Variants in ZFAT observed in about 807,000 individuals in gnomAD.
ZFAT encodes the protein zinc finger protein ZFAT.
In ZFAT, 64 loss-of-function variants were observed where a neutral mutation model predicts 117.7. That is an observed-to-expected ratio of 0.54 (90% confidence interval 0.44 to 0.67). The LOEUF is 0.67. Ranked by LOEUF, ZFAT falls within the 30% of genes least tolerant of loss-of-function variation. ZFAT has a pLI of 0.00. For missense variants in ZFAT, 1,433 were observed against 1,584.5 expected, an observed-to-expected ratio of 0.90 and a Z score of 1.62; for synonymous variants, 679 against 615.0, an observed-to-expected ratio of 1.10 and a Z score of -1.54.
At chr8:134,533,934 C>T (rs1158334234) in intron 11 of ZFAT, among the ~76,000 whole-genome samples, 1 of 152,222 alleles carries the variant, frequency 6.6e-6, no homozygotes, top group Non-Finnish European at 1.5e-5. Context: ...AATCCACATG[C>T]TGTATGATTC....
the ZFAT span, among the ~76,000 whole-genome samples, chr8:134,788,139 T>C: frequency 2.0e-5 from 3 of 152,196 alleles, no homozygotes; most frequent in African/African-American, 7.2e-5. Context: ...TTTGGCTTTC[T>C]CTATTGTGTG....
chr8:134,739,544 G>A, the ZFAT span, among the ~76,000 whole-genome samples: 2 of 152,106 alleles, frequency 1.3e-5, no homozygotes, highest in Admixed American at 6.6e-5. Flanking sequence ...CTGAAGTGTT[G>A]GAAGGCCCAG....
At chr8:134,583,236 A>C (rs1326456704) in intron 10 of ZFAT, among the ~76,000 whole-genome samples, 2 of 152,156 alleles carry the variant, frequency 1.3e-5, no homozygotes, top group Non-Finnish European at 2.9e-5. Flanking sequence ...CCTTGAACGC[A>C]GGAACTTGTC....
At chr8:134,587,951 G>C (rs1826188852) in intron 9 of ZFAT, among the ~76,000 whole-genome samples, 1 of 152,200 alleles carries the variant, frequency 6.6e-6, no homozygotes, top group Admixed American at 6.5e-5. Context: ...TAAGTCTCCG[G>C]TGTTCCTGTT....
chr8:134,804,750 T>C, the ZFAT span: 2 of 430,386 alleles, frequency 4.6e-6, no homozygotes, highest in East Asian at 6.2e-5. Context: ...ACTATCATAA[T>C]ACGTGCACTG....
chr8:134,771,321 A>G, the ZFAT span, among the ~76,000 whole-genome samples: 1 of 152,178 alleles, frequency 6.6e-6, no homozygotes, highest in East Asian at 1.9e-4. Context: ...ATATCAGGGC[A>G]GATTCCCTGA....
At chr8:134,487,471 G>C (rs78662743) in intron 15 of ZFAT, among the ~76,000 whole-genome samples, 4,662 of 152,242 alleles carry the variant, frequency 0.031, 230 homozygotes, top group African/African-American at 0.11. Flanking sequence ...CCCTCAGCTA[G>C]TAACAGGTGA....
At chr8:134,687,022 G>A (rs1833355051) in intron 1 of ZFAT, among the ~76,000 whole-genome samples, 1 of 152,140 alleles carries the variant, frequency 6.6e-6, no homozygotes, top group Non-Finnish European at 1.5e-5. Flanking sequence ...AAGCAAGGGT[G>A]TGGGGCAGAC....
rs1830017076 is a variant in ZFAT at position 134,633,451 on chromosome 8, G to C, written c.448+4010C>G. Reference sequence around the variant, plus strand: ...TGCATGCTCAGGACTGTTCACCTGAGTAGTGCTTTTTGATCAGAGAGAAAA... The same window carrying C: ...TGCATGCTCAGGACTGTTCACCTGACTAGTGCTTTTTGATCAGAGAGAAAA... On this transcript the variant is annotated intron_variant, in intron 3 of 15. Coordinates refer to ENST00000377838, the MANE Select transcript of ZFAT (RefSeq NM_020863.4). Among the ~76,000 whole-genome samples the C allele has an allele frequency of 2.0e-5, 3 of 152,248 alleles. No homozygotes were observed. The South Asian group carries it at 6.2e-4, about 32-fold the overall frequency.
At chr8:134,615,779 T>C (rs1192342851) in intron 3 of ZFAT, among the ~76,000 whole-genome samples, 1 of 152,270 alleles carries the variant, frequency 6.6e-6, no homozygotes, top group Non-Finnish European at 1.5e-5. Context: ...CATTACATTC[T>C]ATTCTTGAAA....
the ZFAT span, chr8:134,797,085 A>G: frequency 6.6e-6 from 1 of 152,310 alleles, no homozygotes; most frequent in East Asian, 1.9e-4. Flanking sequence ...ACTGTTTCTC[A>G]TTCATACTTA....
chr8:134,598,274 A>G (rs1268135285), intron 7 of ZFAT: 1 of 152,274 alleles, frequency 6.6e-6, no homozygotes, highest in Non-Finnish European at 1.5e-5. Flanking sequence ...TAGAAGTAAT[A>G]TGAGAATTAA....
chr8:134,679,412 T>C (rs1285928221), intron 1 of ZFAT, among the ~76,000 whole-genome samples: 1 of 152,202 alleles, frequency 6.6e-6, no homozygotes, highest in African/African-American at 2.4e-5. Context: ...CCAGTTAGAA[T>C]GGCGATCATT....
At chr8:134,521,914 TGAG>T (rs1563804487) in intron 12 of ZFAT, among the ~76,000 whole-genome samples, 2 of 152,158 alleles carry the variant, frequency 1.3e-5, no homozygotes, top group East Asian at 3.9e-4. Flanking sequence ...TCTGGAACTG[TGAG>T]CTACCCGATT....
intron 1 of ZFAT, among the ~76,000 whole-genome samples, chr8:134,694,991 G>C (rs1425598606): frequency 1.3e-5 from 2 of 152,192 alleles, no homozygotes; most frequent in Non-Finnish European, 2.9e-5. Flanking sequence ...ACACGAAAAT[G>C]AAGTCACCTG....
Position 134,701,395 on chromosome 8 carries a change from T to A in ZFAT, c.19+11450A>T, listed in dbSNP as rs1834004450. On this transcript the variant is annotated intron_variant, in intron 1 of 15. Coordinates refer to ENST00000377838, the MANE Select transcript of ZFAT (RefSeq NM_020863.4). The stretch of plus-strand genomic sequence containing the variant: ...AATAATACTTTATTCTATGTATACA[T>A]TACATTTTGCTTAGCCTTTCATCCC... 2.0e-5 allele frequency among the ~76,000 whole-genome samples: 3 copies of A among 152,358 alleles called. No homozygotes were observed. The South Asian group carries it at 6.2e-4, about 32-fold the overall frequency.
intron 2 of ZFAT, chr8:134,639,872 G>A (rs1830486348): frequency 6.9e-6 from 3 of 432,324 alleles, no homozygotes; most frequent in Non-Finnish European, 1.4e-5. Flanking sequence ...CTGCCATCCC[G>A]CAGACACAAG....
At chr8:134,617,731 T>C (rs1234514077) in intron 3 of ZFAT, among the ~76,000 whole-genome samples, 1 of 152,224 alleles carries the variant, frequency 6.6e-6, no homozygotes, top group Non-Finnish European at 1.5e-5. Flanking sequence ...AGAAATAAGC[T>C]GCGCTGCCCA....
the ZFAT span, among the ~76,000 whole-genome samples, chr8:134,806,418 T>A: frequency 6.6e-6 from 1 of 152,242 alleles, no homozygotes; most frequent in African/African-American, 2.4e-5. Flanking sequence ...AATACTTTTT[T>A]AAAAAGTCCA....
Sources: allele counts gnomAD v4.1 joint callset (sites outside exome capture counted in the v4.1 genomes callset), GRCh38; gene constraint gnomAD v4.1.1; transcripts MANE v1.5; gene names NCBI Gene and HGNC (gene_info 2026-07-23, HGNC 2026-07-21).